The following ZC3H12B variants were observed in gnomAD, a reference collection of about 807,000 sequenced individuals.
The protein encoded by ZC3H12B is zinc finger CCCH-type containing 12B, also known as probable ribonuclease ZC3H12B.
Under a neutral mutation model 43.9 loss-of-function variants are expected in ZC3H12B, and 7 were observed. That is an observed-to-expected ratio of 0.16 (90% CI 0.09 to 0.30). The LOEUF is 0.30. Ranked by LOEUF, ZC3H12B falls within the 10% of genes least tolerant of loss-of-function variation. The pLI is 1.00. For missense variants in ZC3H12B, 475 were observed against 670.2 expected, an observed-to-expected ratio of 0.71 and a Z score of 3.22; for synonymous variants, 222 against 241.7, an observed-to-expected ratio of 0.92 and a Z score of 0.76.
chrX:65,191,743 A>G, the ZC3H12B span, among the ~76,000 whole-genome samples: 1 of 109,008 alleles, frequency 9.2e-6, no homozygotes. Context: ...GATCCTTTCA[A>G]AAAACCAGCT....
intron 2 of ZC3H12B, among the ~76,000 whole-genome samples, chrX:65,398,116 A>T (rs1368344502): frequency 8.9e-6 from 1 of 112,117 alleles, no homozygotes; most frequent in African/African-American, 3.2e-5. Flanking sequence ...GCAAGAAATT[A>T]AAAAGTACAC....
the ZC3H12B span, among the ~76,000 whole-genome samples, chrX:65,061,442 T>G: frequency 8.9e-6 from 1 of 112,396 alleles, no homozygotes; most frequent in Non-Finnish European, 1.9e-5. Flanking sequence ...CTGTGTCAGT[T>G]TGCTGAGAAT....
At chrX:65,387,595 A>G (rs747925478) in intron 2 of ZC3H12B, among the ~76,000 whole-genome samples, 2 of 111,706 alleles carry the variant, frequency 1.8e-5, no homozygotes, top group East Asian at 2.8e-4. Context: ...TCTTTATCCA[A>G]TTTGGCAGTC....
chrX:65,453,942 A>G (rs1602470748), intron 3 of ZC3H12B, among the ~76,000 whole-genome samples: 1 of 111,908 alleles, frequency 8.9e-6, no homozygotes, highest in Non-Finnish European at 1.9e-5. Flanking sequence ...GTGAGAGACA[A>G]AAGACTACAC....
chrX:65,075,324 G>A, the ZC3H12B span, among the ~76,000 whole-genome samples: 1 of 112,219 alleles, frequency 8.9e-6, no homozygotes, highest in Non-Finnish European at 1.9e-5. Context: ...TTCTTGGTCA[G>A]ACCCCAAAAA....
At chrX:65,415,261 G>T (rs1481735064) in intron 3 of ZC3H12B, among the ~76,000 whole-genome samples, 2 of 112,508 alleles carry the variant, frequency 1.8e-5, no homozygotes, top group African/African-American at 6.5e-5. Flanking sequence ...CAGGGAGCAG[G>T]CTTCAGAGCT....
chrX:65,453,691 G>A (rs765771746), intron 3 of ZC3H12B, among the ~76,000 whole-genome samples: 116 of 108,543 alleles, frequency 1.1e-3, no homozygotes, highest in African/African-American at 3.8e-3. Flanking sequence ...CACCGCACTC[G>A]AGCCTCGAGC....
the ZC3H12B span, among the ~76,000 whole-genome samples, chrX:65,280,263 A>T: frequency 8.9e-6 from 1 of 112,707 alleles, no homozygotes; most frequent in South Asian, 3.6e-4. Flanking sequence ...ATCAATAAAC[A>T]TCATGCATCA....
intron 3 of ZC3H12B, among the ~76,000 whole-genome samples, chrX:65,400,078 A>C (rs1173179061): frequency 9.0e-6 from 1 of 111,498 alleles, no homozygotes; most frequent in Non-Finnish European, 1.9e-5. Flanking sequence ...AGCGGGTACA[A>C]AAAAATAGAA....
the ZC3H12B span, among the ~76,000 whole-genome samples, chrX:65,344,587 TTAATG>T: frequency 8.9e-6 from 1 of 112,166 alleles, no homozygotes; most frequent in Non-Finnish European, 1.9e-5. Flanking sequence ...ATTAAAAACT[TTAATG>T]TAAAACCAAA....
At chrX:65,244,727 CA>C in the ZC3H12B span, among the ~76,000 whole-genome samples, 1,333 of 20,136 alleles carry the variant, frequency 0.066, 1 homozygote, top group Middle Eastern at 0.1. Context: ...AATACCTTGC[CA>C]AAAAAAAAAA....
At chrX:65,171,459 G>A in the ZC3H12B span, among the ~76,000 whole-genome samples, 3 of 111,126 alleles carry the variant, frequency 2.7e-5, no homozygotes, top group Non-Finnish European at 5.7e-5. Flanking sequence ...CGTATTGGGA[G>A]GTGTCTATAA....
chrX:65,346,045 C>T, the ZC3H12B span, among the ~76,000 whole-genome samples: 1 of 111,315 alleles, frequency 9.0e-6, no homozygotes, highest in East Asian at 2.8e-4. Flanking sequence ...GCTCATACAA[C>T]CCAAAGCAAT....
the ZC3H12B span, among the ~76,000 whole-genome samples, chrX:65,139,434 A>T: frequency 2.7e-5 from 3 of 111,330 alleles, no homozygotes; most frequent in Admixed American, 1.9e-4. Context: ...ATTTTTCTGT[A>T]TTGGCCTATA....
At chrX:65,499,000 T>C in exon 3 of ZC3H12B, 2 of 1,194,732 alleles carry the variant, frequency 1.7e-6, no homozygotes, top group South Asian at 1.8e-5. Context: ...TTTTGACAGA[T>C]CAAGATATTC....
chrX:65,053,952 G>T, the ZC3H12B span, among the ~76,000 whole-genome samples: 3 of 111,874 alleles, frequency 2.7e-5, no homozygotes, highest in African/African-American at 9.8e-5. Context: ...TTTTGATGGG[G>T]TTGTTTGCTT....
chrX:65,256,831 G>T, the ZC3H12B span, among the ~76,000 whole-genome samples: 3 of 112,165 alleles, frequency 2.7e-5, no homozygotes, highest in African/African-American at 9.7e-5. Flanking sequence ...CATTTATGCA[G>T]CCAACAGACA....
At chrX:65,409,719 T>C (rs1185505272) in intron 3 of ZC3H12B, among the ~76,000 whole-genome samples, 1 of 110,509 alleles carries the variant, frequency 9.0e-6, no homozygotes, top group African/African-American at 3.3e-5. Flanking sequence ...AGTAATCCCA[T>C]TTACAATAGC....
the ZC3H12B span, among the ~76,000 whole-genome samples, chrX:65,220,046 G>A: frequency 2.2e-4 from 24 of 111,199 alleles, no homozygotes; most frequent in Non-Finnish European, 3.6e-4. Flanking sequence ...ATAGGGGTCC[G>A]ATCTTTAGCC....
Sources: gnomAD v4.1 joint callset for allele counts (sites outside exome capture counted in the v4.1 genomes callset) on GRCh38, gnomAD v4.1.1 for gene constraint, MANE v1.5 for transcripts, NCBI Gene and HGNC (gene_info 2026-07-23, HGNC 2026-07-21) for gene names.